The following ESR1 variants were observed in gnomAD, a reference collection of about 807,000 sequenced individuals.
ESR1 encodes the protein estrogen receptor 1.
Under a neutral mutation model 52.7 loss-of-function variants are expected in ESR1, and 12 were observed. The ratio of observed to expected loss-of-function variants is 0.23; its 90% CI spans 0.15 to 0.37. ESR1 has a LOEUF of 0.37. Among genes scored for constraint, ESR1 ranks in the 10% least tolerant of loss-of-function variants. ESR1 has a pLI of 1.00. For synonymous variants in ESR1, 305 were observed against 316.8 expected (o/e 0.96, Z 0.39); for missense variants, 584 against 779.7 (o/e 0.75, Z 2.99).
chr6:151,701,954 A>G (rs2115425517), exon 2 of ESR1: 1 of 152,330 alleles, frequency 6.6e-6, no homozygotes, highest in East Asian at 1.9e-4. Flanking sequence ...TCAGCACAGC[A>G]CTTCTTGAAA....
chr6:151,665,750 G>A (rs1426636536), intron 1 of ESR1, among the ~76,000 whole-genome samples: 1 of 152,038 alleles, frequency 6.6e-6, no homozygotes, highest in African/African-American at 2.4e-5. Context: ...CATTTTCCCA[G>A]AGCAGAATGG....
chr6:151,885,918 C>A (rs896052179), intron 3 of ESR1, among the ~76,000 whole-genome samples: 2 of 152,082 alleles, frequency 1.3e-5, no homozygotes, highest in Non-Finnish European at 2.9e-5. Flanking sequence ...ATGAAGATGA[C>A]AAATCGTAAC....
At chr6:151,753,305 G>T (rs1196659094) in intron 2 of ESR1, among the ~76,000 whole-genome samples, 1 of 149,594 alleles carries the variant, frequency 6.7e-6, no homozygotes, top group Non-Finnish European at 1.5e-5. Context: ...TCTCAAAATG[G>T]GTTATTTGAT....
rs1004350964 is a variant in ESR1, at chr6:152,094,628, T to C, written c.1553+60T>C. ...TAAAGAAAACATGCCCCCAAACCTA[T>C]GTGACAGCTGGCCGGGAAGGACTGG... On this transcript the variant is annotated intron_variant, in intron 7 of 7. Coordinates refer to ENST00000206249, the MANE Select transcript of ESR1 (RefSeq NM_000125.4). The surrounding 1 kb of genome is among the most constrained non-coding windows in gnomAD (Gnocchi z 4.6). 3.9e-6 allele frequency: 6 copies of C among 1,524,684 alleles called. No individual in the cohort carries two copies. The highest frequency in any genetic ancestry group is 5.4e-6 in the Non-Finnish European group (6 of 1,112,592). The allele number at this position is 1,524,684 out of a possible 1,614,324, so 94.4% of individuals were successfully genotyped here. A position where few individuals can be genotyped will look rare whatever the true frequency, so the allele number is the denominator to read the frequency against.
chr6:151,840,303 G>T (rs1784090089), intron 1 of ESR1, among the ~76,000 whole-genome samples: 1 of 152,152 alleles, frequency 6.6e-6, no homozygotes, highest in South Asian at 2.1e-4. Context: ...AAGATTTGAG[G>T]TTGATGGGGG....
downstream of ESR1, chr6:152,103,280 C>T (rs9341085): frequency 0.012 from 2,173 of 178,008 alleles, 52 homozygotes; most frequent in African/African-American, 0.049. Flanking sequence ...CTAAAGACAA[C>T]GAGTTTGTTT....
chr6:152,052,610 GA>G (rs1562727871), intron 5 of ESR1, among the ~76,000 whole-genome samples: 3 of 152,022 alleles, frequency 2.0e-5, no homozygotes. Flanking sequence ...GTCTTTTACA[GA>G]AAAAGTCTGA....
chr6:151,686,459 C>G (rs565732283), upstream of ESR1, among the ~76,000 whole-genome samples: 3,580 of 152,066 alleles, frequency 0.024, 140 homozygotes, highest in African/African-American at 0.082. Flanking sequence ...GCCGAGGCGG[C>G]CGGATCACGA....
rs190154549 is a variant in ESR1, at chr6:151,945,586, C to T, written c.1096+1078C>T. 3.9e-5 allele frequency among the ~76,000 whole-genome samples: 6 copies of T among 152,216 alleles called. No individual in the cohort carries two copies. The East Asian group carries it at 1.2e-3, about 29-fold the overall frequency. On this transcript the variant is annotated intron_variant, in intron 4 of 7. Coordinates refer to ENST00000206249, the MANE Select transcript of ESR1 (RefSeq NM_000125.4). Reference sequence around the variant, plus strand: ...CGTTCAGGAGCTAATGTAGATAAACCGAGGCAAGAAGAAGCTAAATTTTTT... The same window carrying T: ...CGTTCAGGAGCTAATGTAGATAAACTGAGGCAAGAAGAAGCTAAATTTTTT...
At chr6:152,026,485 T>C (rs1367417927) in intron 5 of ESR1, among the ~76,000 whole-genome samples, 1 of 152,032 alleles carries the variant, frequency 6.6e-6, no homozygotes, top group African/African-American at 2.4e-5. Flanking sequence ...GTTTCTATTT[T>C]ACATAGTCTA....
chr6:151,701,386 G>A (rs960126172), intron 1 of ESR1, among the ~76,000 whole-genome samples: 2 of 151,598 alleles, frequency 1.3e-5, no homozygotes, highest in East Asian at 1.9e-4. Flanking sequence ...ATTAGCTGGC[G>A]GGCGTGGTGG....
At chr6:152,120,973 A>T (rs549076069) in intron 6 of ESR1, among the ~76,000 whole-genome samples, 1 of 152,294 alleles carries the variant, frequency 6.6e-6, no homozygotes, top group African/African-American at 2.4e-5. Flanking sequence ...AAGTACAAAG[A>T]GGAGATACTC....
At chr6:151,911,415 A>G (rs546011271) in intron 3 of ESR1, among the ~76,000 whole-genome samples, 95 of 152,256 alleles carry the variant, frequency 6.2e-4, no homozygotes, top group Non-Finnish European at 1.1e-3. Flanking sequence ...TAACTATATT[A>G]ATGGGTTCAG....
At chr6:151,750,523 T>C (rs1462903923) in intron 2 of ESR1, among the ~76,000 whole-genome samples, 1 of 152,172 alleles carries the variant, frequency 6.6e-6, no homozygotes, top group Non-Finnish European at 1.5e-5. Flanking sequence ...AAAGGTTTCT[T>C]TTAGTGAAGA....
intron 4 of ESR1, among the ~76,000 whole-genome samples, chr6:152,009,918 TTCA>T (rs2042631865): frequency 6.6e-6 from 1 of 152,146 alleles, no homozygotes; most frequent in Non-Finnish European, 1.5e-5. Context: ...GAATCAACTG[TTCA>T]TCATACATAC....
chr6:151,988,663 C>A (rs1262261919), intron 4 of ESR1, among the ~76,000 whole-genome samples: 1 of 151,968 alleles, frequency 6.6e-6, no homozygotes, highest in Non-Finnish European at 1.5e-5. Context: ...ATAATCTATA[C>A]AACAAACCCC....
intron 1 of ESR1, among the ~76,000 whole-genome samples, chr6:151,668,904 G>C: frequency 6.6e-6 from 1 of 152,074 alleles, no homozygotes; most frequent in South Asian, 2.1e-4. Flanking sequence ...ATTCCAGGTA[G>C]AGAGAAGAGC....
At chr6:152,058,198 G>A (rs912607821) in intron 5 of ESR1, among the ~76,000 whole-genome samples, 2 of 146,330 alleles carry the variant, frequency 1.4e-5, no homozygotes, top group Non-Finnish European at 3.0e-5. Context: ...TCACTAGAAA[G>A]AAGATGAACT....
At chr6:151,841,832 C>T (rs1257950521) in intron 1 of ESR1, among the ~76,000 whole-genome samples, 4 of 152,088 alleles carry the variant, frequency 2.6e-5, no homozygotes, top group Non-Finnish European at 5.9e-5. Flanking sequence ...CCCACCTCAG[C>T]CTTACAAGTA....
Sources: allele counts gnomAD v4.1 joint callset (sites outside exome capture counted in the v4.1 genomes callset), GRCh38; gene constraint gnomAD v4.1.1; non-coding constraint Gnocchi (gnomAD v3.1); transcripts MANE v1.5; gene names NCBI Gene and HGNC (gene_info 2026-07-23, HGNC 2026-07-21).